Variants in MYPN observed in about 807,000 individuals in gnomAD.
The protein encoded by MYPN is myopalladin.
A neutral mutation model predicts 129.4 loss-of-function variants in MYPN; 63 were observed. That is an observed-to-expected ratio of 0.49 (90% CI 0.40 to 0.60). The LOEUF (loss-of-function observed/expected upper bound fraction) is 0.60, where lower values mean the gene tolerates loss of function less well. Among genes scored for constraint, MYPN ranks in the 20% least tolerant of loss-of-function variants. The pLI is 0.00. For missense variants in MYPN, 1,596 were observed against 1,635.4 expected, an observed-to-expected ratio of 0.98 and a Z score of 0.42; for synonymous variants, 629 against 600.9, an observed-to-expected ratio of 1.05 and a Z score of -0.68.
chr10:68,165,595 G>T, intron 8 of MYPN, 107 bp from the exon 9 acceptor site: 1 of 887,890 alleles, frequency 1.1e-6, no homozygotes, highest in Non-Finnish European at 1.9e-6. Flanking sequence ...AATTAATATA[G>T]CCAGCTTTTT....
In MYPN at chr10:68,122,316, T is replaced by A; in HGVS notation, c.878T>A (p.Val293Glu). ...GTRVQLDCIVVGIPPPQVRWY... is the reference protein window; with the variant it reads ...GTRVQLDCIVEGIPPPQVRWY... The stretch of plus-strand genomic sequence containing the variant: ...CGAGTACAGTTGGATTGCATAGTGG[T>A]AGGAATTCCACCACCTCAAGTAAGG... Residue 293 changes from valine to glutamate, a missense_variant, in exon 2 of 20, where the codon GTA becomes GAA. Val to Glu is a moderately radical substitution (Grantham distance 121). Coordinates refer to ENST00000358913, the MANE Select transcript of MYPN (RefSeq NM_032578.4). 1 of 1,613,770 alleles carries A rather than the reference T, an allele frequency of 6.2e-7. No individual in the cohort carries two copies. Among genetic ancestry groups the A allele is most frequent in the Non-Finnish European group, 8.5e-7 (1 of 1,180,028 alleles).
intron 2 of MYPN, among the ~76,000 whole-genome samples, chr10:68,126,005 A>G (rs2042320591): frequency 6.6e-6 from 1 of 152,178 alleles, no homozygotes. Flanking sequence ...TGGTGGCTTA[A>G]AAGAGTATAT....
chr10:68,107,391 A>G (rs1240800282), upstream of MYPN, among the ~76,000 whole-genome samples: 1 of 137,256 alleles, frequency 7.3e-6, no homozygotes, highest in African/African-American at 2.8e-5. Flanking sequence ...CCCAGTCTGG[A>G]GTGCAATGGC....
At chr10:68,191,216 C>CTTT (rs56335317) in intron 13 of MYPN, among the ~76,000 whole-genome samples, 9 of 144,330 alleles carry the variant, frequency 6.2e-5, no homozygotes, top group African/African-American at 7.6e-5. Flanking sequence ...TTTTCTATTT[C>CTTT]TTTTTTTTTT....
At chr10:68,103,512 A>T (rs1337866472), upstream of MYPN, among the ~76,000 whole-genome samples, 3 of 152,214 alleles carry the variant, frequency 2.0e-5, no homozygotes, top group Non-Finnish European at 4.4e-5. Context: ...TATCTTTAAC[A>T]ATCCCATTGC....
chr10:68,194,949 T>C (rs556155473), intron 14 of MYPN, among the ~76,000 whole-genome samples: 77 of 152,356 alleles, frequency 5.1e-4, no homozygotes, highest in African/African-American at 1.7e-3. Context: ...GATTGTTTTG[T>C]TTTTTAAACT....
At chr10:68,124,345 C>T (rs1481219437) in intron 2 of MYPN, among the ~76,000 whole-genome samples, 1 of 152,092 alleles carries the variant, frequency 6.6e-6, no homozygotes, top group Non-Finnish European at 1.5e-5. Flanking sequence ...TTGTAACTAC[C>T]TGATTATTAC....
intron 1 of MYPN, among the ~76,000 whole-genome samples, chr10:68,112,790 G>A (rs970460770): frequency 1.3e-5 from 2 of 152,116 alleles, no homozygotes; most frequent in Admixed American, 6.6e-5. Flanking sequence ...CCGTTCACAC[G>A]AAAAATAGAC....
At chr10:68,106,033 C>G, upstream of MYPN, 1 of 397,998 alleles carries the variant, frequency 2.5e-6, no homozygotes, top group Non-Finnish European at 5.0e-6. Flanking sequence ...GGATCTGCAA[C>G]GGAACCCTGT....
At chr10:68,204,725 CAAAAAAA>C (rs33973275) in intron 18 of MYPN, among the ~76,000 whole-genome samples, 4 of 89,360 alleles carry the variant, frequency 4.5e-5, no homozygotes, top group South Asian at 8.2e-4. Flanking sequence ...GACTCTGTCT[CAAAAAAA>C]AAAAAAAAAA....
chr10:68,203,135 A>T (rs1589615678), intron 18 of MYPN, among the ~76,000 whole-genome samples: 1 of 152,276 alleles, frequency 6.6e-6, no homozygotes, highest in East Asian at 1.9e-4. Context: ...AGCTCGGTTT[A>T]GTCACCACTT....
intron 2 of MYPN, among the ~76,000 whole-genome samples, chr10:68,140,227 A>G (rs1022936280): frequency 1.3e-5 from 2 of 152,166 alleles, no homozygotes; most frequent in Non-Finnish European, 2.9e-5. Flanking sequence ...GGGAAGAGTG[A>G]TGGGAGATGG....
intron 12 of MYPN, among the ~76,000 whole-genome samples, chr10:68,182,095 A>G (rs1268299840): frequency 6.6e-6 from 1 of 151,470 alleles, no homozygotes; most frequent in Non-Finnish European, 1.5e-5. Flanking sequence ...TCTGAATAAT[A>G]ATGTGTCTCA....
rs181848049 is a variant in MYPN at position 68,174,632 on chromosome 10, G to A, written c.2540G>A (p.Gly847Glu). 10 of 1,614,100 alleles carry A rather than the reference G, an allele frequency of 6.2e-6. No individual in the cohort carries two copies. Among genetic ancestry groups the A allele is most frequent in the East Asian group, 2.2e-5 (1 of 44,874 alleles). Residue 847 changes from glycine (G) to glutamate (E), a missense_variant, in exon 11 of 20, where the codon GGG (glycine) becomes GAG (glutamate). Physicochemically the swap from Gly to Glu is moderately conservative, Grantham distance 98. Transcript: ENST00000358913. ...GCCATCCCACCCACAAATGCCATGG[G>A]GCTGCCTAGAAGTGCACCATCCATG... is the stretch of plus-strand genomic sequence containing the variant. The part of the protein sequence containing the change: ...LPAIPPTNAM[G>E]LPRSAPSMPS...
At chr10:68,162,840 GT>G (rs2042999069) in intron 8 of MYPN, among the ~76,000 whole-genome samples, 1 of 152,166 alleles carries the variant, frequency 6.6e-6, no homozygotes, top group Non-Finnish European at 1.5e-5. Context: ...GGGTTTTGGA[GT>G]GGGTTGAAGA....
In MYPN at chr10:68,158,833, T is replaced by C. The variant is rs77053350; in HGVS notation, c.1459+206T>C. ...TTTTTAAAGAAAAGCATCATATTCTTTTTTGTAAATTAATTATTTACTCAA... is the reference window on the plus strand; with the variant it reads ...TTTTTAAAGAAAAGCATCATATTCTCTTTTGTAAATTAATTATTTACTCAA... On this transcript the variant is annotated intron_variant, in intron 7 of 19. Coordinates refer to ENST00000358913, the MANE Select transcript of MYPN (RefSeq NM_032578.4). Among the ~76,000 whole-genome samples, 6,609 of 152,274 alleles carry C rather than the reference T, an allele frequency of 0.043. 492 individuals carry two copies. Among genetic ancestry groups the C allele is most frequent in the African/African-American group, 0.15 (6,264 of 41,510 alleles).
intron 10 of MYPN, among the ~76,000 whole-genome samples, chr10:68,167,600 A>T (rs954191498): frequency 6.6e-6 from 1 of 152,190 alleles, no homozygotes. Flanking sequence ...ATTGTTTCTA[A>T]TTACAGAAAC....
chr10:68,157,757 G>A (rs1365668511), intron 6 of MYPN, among the ~76,000 whole-genome samples: 2 of 150,132 alleles, frequency 1.3e-5, no homozygotes, highest in African/African-American at 4.9e-5. Context: ...TGAGAGGATC[G>A]CTTGAGCCTG....
chr10:68,141,723 C>G (rs1336306309), intron 2 of MYPN, among the ~76,000 whole-genome samples: 1 of 152,104 alleles, frequency 6.6e-6, no homozygotes, highest in Non-Finnish European at 1.5e-5. Context: ...TTCTTGCCCC[C>G]TTGTAAGGTC....
Sources: allele counts gnomAD v4.1 joint callset (sites outside exome capture counted in the v4.1 genomes callset), GRCh38; gene constraint gnomAD v4.1.1; transcripts MANE v1.5; gene names NCBI Gene and HGNC (gene_info 2026-07-23, HGNC 2026-07-21).